Variants in AFG2A observed in about 807,000 individuals in gnomAD.
AFG2A encodes ATPase family gene 2 protein homolog A.
the AFG2A span, among the ~76,000 whole-genome samples, chr4:123,126,491 G>A: frequency 5.3e-5 from 8 of 152,020 alleles, no homozygotes; most frequent in African/African-American, 1.7e-4. Context: ...ATACAGTTTG[G>A]CTGTGTCCCC....
chr4:123,211,948 C>T, the AFG2A span, among the ~76,000 whole-genome samples: 8 of 152,006 alleles, frequency 5.3e-5, no homozygotes, highest in Non-Finnish European at 1.2e-4. Context: ...TCATAGAAGA[C>T]GTCTGGAAGA....
the AFG2A span, chr4:123,316,570 G>A: frequency 6.6e-6 from 1 of 152,090 alleles, no homozygotes; most frequent in Non-Finnish European, 1.5e-5. Context: ...TATGGCTAAG[G>A]GCACAAGAAA....
chr4:123,057,726 G>T, the AFG2A span, among the ~76,000 whole-genome samples: 20 of 152,184 alleles, frequency 1.3e-4, no homozygotes, highest in African/African-American at 4.8e-4. Flanking sequence ...AAATTAAATA[G>T]AATATAAATT....
At chr4:123,250,800 C>A in the AFG2A span, among the ~76,000 whole-genome samples, 45 of 152,252 alleles carry the variant, frequency 3.0e-4, no homozygotes, top group South Asian at 6.8e-3. Flanking sequence ...GCCTTGGCTT[C>A]TTTTTTCATT....
the AFG2A span, among the ~76,000 whole-genome samples, chr4:122,960,036 G>A: frequency 6.6e-6 from 1 of 152,146 alleles, no homozygotes; most frequent in African/African-American, 2.4e-5. Context: ...TTTAGCTAGA[G>A]TGTGGTTTGA....
the AFG2A span, chr4:122,934,801 C>G: frequency 1.1e-5 from 16 of 1,494,692 alleles, no homozygotes; most frequent in Non-Finnish European, 1.4e-5. Flanking sequence ...ACAGTTGACA[C>G]TTATGTAATG....
chr4:123,305,998 GA>G, the AFG2A span, among the ~76,000 whole-genome samples: 23 of 152,318 alleles, frequency 1.5e-4, no homozygotes, highest in African/African-American at 5.1e-4. Flanking sequence ...TCATCCCGCG[GA>G]GTTGCTTCCC....
At chr4:123,127,571 A>G in the AFG2A span, among the ~76,000 whole-genome samples, 2 of 152,150 alleles carry the variant, frequency 1.3e-5, no homozygotes, top group Non-Finnish European at 2.9e-5. Context: ...AAATTTAAAT[A>G]AAAGGAATTA....
the AFG2A span, among the ~76,000 whole-genome samples, chr4:123,079,446 T>C: frequency 6.6e-5 from 10 of 152,288 alleles, no homozygotes; most frequent in African/African-American, 2.4e-4. Flanking sequence ...AAGCAAGCAA[T>C]AACATGCATA....
chr4:123,136,255 C>G, the AFG2A span, among the ~76,000 whole-genome samples: 1 of 152,112 alleles, frequency 6.6e-6, no homozygotes, highest in Admixed American at 6.5e-5. Context: ...GTCTGTTGGC[C>G]GGGTGCGGTG....
chr4:123,258,997 G>A, the AFG2A span, among the ~76,000 whole-genome samples: 55 of 151,332 alleles, frequency 3.6e-4, no homozygotes, highest in Non-Finnish European at 5.9e-4. Flanking sequence ...CTCCCAAGTC[G>A]CTGGGATTAC....
chr4:122,949,565 G>C, the AFG2A span, among the ~76,000 whole-genome samples: 1 of 152,198 alleles, frequency 6.6e-6, no homozygotes, highest in East Asian at 1.9e-4. Flanking sequence ...TCAGCAAAGA[G>C]GTTTGCGGCA....
At chr4:123,035,585 A>G in the AFG2A span, among the ~76,000 whole-genome samples, 1 of 152,154 alleles carries the variant, frequency 6.6e-6, no homozygotes, top group Non-Finnish European at 1.5e-5. Context: ...TTACAAGGTT[A>G]TGAAGAAGTT....
the AFG2A span, among the ~76,000 whole-genome samples, chr4:123,258,539 T>C: frequency 6.6e-6 from 1 of 152,206 alleles, no homozygotes; most frequent in Admixed American, 6.5e-5. Flanking sequence ...AGGAGCCCTC[T>C]AACTCCCTGC....
At chr4:123,016,886 G>T in the AFG2A span, among the ~76,000 whole-genome samples, 66 of 152,298 alleles carry the variant, frequency 4.3e-4, no homozygotes, top group African/African-American at 1.6e-3. Context: ...TCGGGACGCC[G>T]AGGCTGGCGG....
the AFG2A span, chr4:122,979,237 T>C: frequency 1.2e-6 from 2 of 1,614,090 alleles, no homozygotes; most frequent in Non-Finnish European, 1.7e-6. Context: ...TATAGGTCTC[T>C]GTGCCTTGCG....
chr4:123,271,026 C>G, the AFG2A span, among the ~76,000 whole-genome samples: 1 of 152,154 alleles, frequency 6.6e-6, no homozygotes, highest in African/African-American at 2.4e-5. Flanking sequence ...GAAGGTATAT[C>G]ATATATGCCA....
chr4:123,217,097 GCCTTGGTATTTA>G, the AFG2A span, among the ~76,000 whole-genome samples: 1 of 152,070 alleles, frequency 6.6e-6, no homozygotes, highest in Admixed American at 6.6e-5. Context: ...AATGTACATA[GCCTTGGTATTTA>G]CTAGCAGTAT....
the AFG2A span, among the ~76,000 whole-genome samples, chr4:123,236,603 G>A: frequency 6.6e-6 from 1 of 152,164 alleles, no homozygotes; most frequent in Non-Finnish European, 1.5e-5. Context: ...AAGACATAGA[G>A]TTCCACTTTA....
Sources: allele counts gnomAD v4.1 joint callset (sites outside exome capture counted in the v4.1 genomes callset), GRCh38; gene constraint gnomAD v4.1.1; transcripts MANE v1.5; gene names NCBI Gene and HGNC (gene_info 2026-07-23, HGNC 2026-07-21).